Variants in PCDHB13 observed in about 807,000 individuals in gnomAD.
PCDHB13 encodes protocadherin beta 13, also known as protocadherin beta-13.
For missense variants in PCDHB13, 1,065 were observed against 1,016.7 expected, an observed-to-expected ratio of 1.05 and a Z score of -0.65; for synonymous variants, 515 against 450.7, an observed-to-expected ratio of 1.14 and a Z score of -1.81.
At position 141,214,480 on chromosome 5, in the gene PCDHB13, A is replaced by T. The variant is rs1385593698; in HGVS notation, c.357A>T (p.Gln119His). The part of the protein sequence containing the change: ...VLLESPFEFF[Q>H]AELQVIDIND... ...TAGAGAGTCCCTTCGAGTTTTTTCA[A>T]GCTGAGCTGCAAGTAATAGACATAA... is the stretch of plus-strand genomic sequence containing the variant. The change falls in exon 1 of 1, where the codon CAA (glutamine) becomes CAT (histidine). Residue 119 changes from glutamine (Q) to histidine (H), a missense_variant. By Grantham distance (24) the Gln-to-His change is conservative. Coordinates refer to ENST00000341948, the MANE Select transcript of PCDHB13 (RefSeq NM_018933.4). The T allele has an allele frequency of 3.1e-6, 5 of 1,595,290 alleles. No homozygotes were observed. The highest frequency in any genetic ancestry group is 4.3e-6 in the Non-Finnish European group (5 of 1,164,808).
rs139420322 is a variant in PCDHB13, at chr5:141,215,079, A to C, written c.956A>C (p.Asn319Thr). The C allele has an allele frequency of 1.9e-6, 3 of 1,614,218 alleles. No individual in the cohort carries two copies. The highest frequency in any genetic ancestry group is 1.7e-6 in the Non-Finnish European group (2 of 1,180,034). Residue 319 changes from asparagine (N) to threonine (T), a missense_variant, in exon 1 of 1, where the codon AAT (asparagine) becomes ACT (threonine). Transcript: ENST00000341948. ...GAAAAACTTCAGTCCTATGAAGTCA[A>C]TATTGAGGCAAGAGATGCTGGAACC... ...DFEKLQSYEVNIEARDAGTFS... is the reference protein window; with the variant it reads ...DFEKLQSYEVTIEARDAGTFS...
rs1379021042 is a variant in PCDHB13, at chr5:141,217,609, A to T, written c.*1089A>T. On this transcript the variant is annotated 3_prime_UTR_variant, in exon 1 of 1. Transcript: ENST00000341948. The stretch of plus-strand genomic sequence containing the variant: ...TTGAACATTGATAGTATCAAAAGAT[A>T]GTCCCTTAGGGTTCTAATTTTAAAA... The T allele has an allele frequency of 6.0e-6, 1 of 167,026 alleles. No individual in the cohort carries two copies. 10.3% of individuals were successfully genotyped at this position (167,026 alleles called of 1,614,324 possible).
rs1203457428 is a variant in PCDHB13, at chr5:141,215,808, T to C, written c.1685T>C (p.Leu562Pro). 2.9e-5 allele frequency: 47 copies of C among 1,611,188 alleles called. No homozygotes were observed. Among genetic ancestry groups the C allele is most frequent in the Non-Finnish European group, 3.7e-5 (44 of 1,179,620 alleles). ...GCCAACGACAACTCGCCCTTCGTGCTGTACCCGCTGCAGAACGGCTCCGCG... is the reference window on the plus strand; with the variant it reads ...GCCAACGACAACTCGCCCTTCGTGCCGTACCCGCTGCAGAACGGCTCCGCG... Reference protein sequence around the residue: ...LDANDNSPFVLYPLQNGSAPC... With the variant: ...LDANDNSPFVPYPLQNGSAPC... The change falls in exon 1 of 1, where the codon CTG (leucine) becomes CCG (proline). Residue 562 changes from leucine to proline, a missense_variant. Coordinates refer to ENST00000341948, the MANE Select transcript of PCDHB13 (RefSeq NM_018933.4).
In PCDHB13 at chr5:141,214,785, C is replaced by A. The variant is rs782053306; in HGVS notation, c.662C>A (p.Pro221Gln). Reference protein sequence around the residue: ...LTLTALDGGSPPRSGTAQVYI... With the variant: ...LTLTALDGGSQPRSGTAQVYI... ...CTCACAGCACTGGATGGTGGCTCTC[C>A]GCCCAGATCTGGCACTGCTCAGGTC... The change falls in exon 1 of 1, where the codon CCG becomes CAG. Residue 221 changes from proline (P) to glutamine (Q), a missense_variant. By Grantham distance (76) the Pro-to-Gln change is moderately conservative (BLOSUM62 -1). Coordinates refer to ENST00000341948, the MANE Select transcript of PCDHB13 (RefSeq NM_018933.4). The A allele has an allele frequency of 2.5e-6, 4 of 1,614,054 alleles. No homozygotes were observed. Among genetic ancestry groups the A allele is most frequent in the Non-Finnish European group, 3.4e-6 (4 of 1,180,024 alleles).
In PCDHB13 at chr5:141,215,705, C is replaced by G. The variant is rs1251998460; in HGVS notation, c.1582C>G (p.Gln528Glu). The G allele has an allele frequency of 1.9e-6, 3 of 1,612,686 alleles. No homozygotes were observed. Among genetic ancestry groups the G allele is most frequent in the African/African-American group, 1.3e-5 (1 of 74,916 alleles). ...SLDYEALQGF[Q>E]FRVGASDHGS... ...GGACTACGAGGCCCTGCAGGGGTTC[C>G]AGTTCCGCGTGGGCGCTTCAGACCA... The change falls in exon 1 of 1, where the codon CAG becomes GAG. Residue 528 changes from glutamine to glutamate, a missense_variant. Physicochemically the swap from Gln to Glu is conservative, Grantham distance 29 (BLOSUM62 2). Coordinates refer to ENST00000341948, the MANE Select transcript of PCDHB13 (RefSeq NM_018933.4).
At position 141,215,002 on chromosome 5, in the gene PCDHB13, T is replaced by TA. The variant is rs782663001; in HGVS notation, c.881dup (p.Ile295AspfsTer9). On this transcript the variant is annotated frameshift_variant, in exon 1 of 1. Transcript: ENST00000341948. LOFTEE classifies it low-confidence loss of function (END_TRUNC). ...CTTCAGAAGAGATTGGCAAAACCTTTAAGATCAATCCCTTGACAGGAGAAA... is the reference window on the plus strand; with the variant it reads ...CTTCAGAAGAGATTGGCAAAACCTTTAAAGATCAATCCCTTGACAGGAGAAA... 1.9e-5 allele frequency: 31 copies of TA among 1,614,172 alleles called. No homozygotes were observed. In the South Asian group the frequency reaches 3.4e-4, roughly 18 times the overall value.
In PCDHB13 at chr5:141,214,972, C is replaced by T; in HGVS notation, c.849C>T (p.Phe283=). The change falls in exon 1 of 1, where the codon TTC becomes TTT. Residue 283 remains phenylalanine (F), a synonymous_variant. Transcript: ENST00000341948. ...GVNGEISYSL[F]QASEEIGKTF... is the part of the protein sequence containing the mutation. ...ACGGAGAGATTTCCTATTCACTTTT[C>T]CAAGCTTCAGAAGAGATTGGCAAAA... 2 of 1,614,156 alleles carry T rather than the reference C, an allele frequency of 1.2e-6. No individual in the cohort carries two copies. Among genetic ancestry groups the T allele is most frequent in the Non-Finnish European group, 1.7e-6 (2 of 1,180,016 alleles).
rs781975078 is a variant in PCDHB13, at chr5:141,216,144, C to A, written c.2021C>A (p.Pro674Gln). 6.2e-7 allele frequency: 1 copy of A among 1,611,266 alleles called. No homozygotes were observed. Among genetic ancestry groups the A allele is most frequent in the African/African-American group, 1.3e-5 (1 of 75,040 alleles). Residue 674 changes from proline (P) to glutamine (Q), a missense_variant, in exon 1 of 1, where the codon CCG becomes CAG. Transcript: ENST00000341948. ...TTCTCCCAGCCCTACCTGCCTCTCC[C>A]GGAGGCGGCCCCGACCCAGGCCCAG... ...DGFSQPYLPL[P>Q]EAAPTQAQAD... is the part of the protein sequence containing the mutation.
In PCDHB13 at chr5:141,216,333, T is replaced by A. The variant is rs114032728; in HGVS notation, c.2210T>A (p.Val737Glu). The part of the protein sequence containing the change: ...VPEGPLPGHL[V>E]DMSGTRTLSQ... ...GAGGGCCCCCTTCCAGGGCATCTTG[T>A]GGACATGAGCGGCACCAGGACCCTA... Residue 737 changes from valine (V) to glutamate (E), a missense_variant, in exon 1 of 1, where the codon GTG (valine) becomes GAG (glutamate). Val to Glu is a moderately radical substitution (Grantham distance 121). Transcript: ENST00000341948. 3.7e-3 allele frequency: 5,990 copies of A among 1,614,088 alleles called. 209 individuals carry two copies. In the African/African-American group the frequency reaches 0.072, roughly 19 times the overall value.
chr5:141,215,660 C>T lies in PCDHB13; in HGVS notation c.1537C>T (p.Leu513=), dbSNP rs781807196. The change falls in exon 1 of 1, where the codon CTG becomes TTG. Residue 513 remains leucine, a synonymous_variant. Coordinates refer to ENST00000341948, the MANE Select transcript of PCDHB13 (RefSeq NM_018933.4). ...LVSINADNGH[L]FALRSLDYEA... Reference sequence around the variant, plus strand: ...CTCCATCAACGCGGACAACGGCCACCTGTTCGCCCTCAGGTCTCTGGACTA... The same window carrying T: ...CTCCATCAACGCGGACAACGGCCACTTGTTCGCCCTCAGGTCTCTGGACTA... 12 of 1,613,284 alleles carry T rather than the reference C, an allele frequency of 7.4e-6. No individual in the cohort carries two copies. Among genetic ancestry groups the T allele is most frequent in the Non-Finnish European group, 1.0e-5 (12 of 1,180,020 alleles).
chr5:141,217,569 A>T lies in PCDHB13; in HGVS notation c.*1049A>T, dbSNP rs1459434124. ...GAAAACCACTTTTCTCAGACATATAAAAGCATACCAGATGTTGAACATTGA... is the reference window on the plus strand; with the variant it reads ...GAAAACCACTTTTCTCAGACATATATAAGCATACCAGATGTTGAACATTGA... On this transcript the variant is annotated 3_prime_UTR_variant, in exon 1 of 1. Transcript: ENST00000341948. 2 of 167,032 alleles carry T rather than the reference A, an allele frequency of 1.2e-5. No individual in the cohort carries two copies. The highest frequency in any genetic ancestry group is 2.9e-5 in the Non-Finnish European group (2 of 68,126). The allele number at this position is 167,032 out of a possible 1,614,324, so 10.3% of individuals were successfully genotyped here.
rs1194072883 is a variant in PCDHB13 at position 141,216,317 on chromosome 5, C to T, written c.2194C>T (p.Leu732Phe). Residue 732 changes from leucine (L) to phenylalanine (F), a missense_variant, in exon 1 of 1, where the codon CTT (leucine) becomes TTT (phenylalanine). Transcript: ENST00000341948. ...TCGCTGCTTGGTGCCCGAGGGCCCC[C>T]TTCCAGGGCATCTTGTGGACATGAG... The part of the protein sequence containing the change: ...VGRCLVPEGP[L>F]PGHLVDMSGT... 3 of 1,614,036 alleles carry T rather than the reference C, an allele frequency of 1.9e-6. No individual in the cohort carries two copies. The highest frequency in any genetic ancestry group is 1.3e-5 in the African/African-American group (1 of 74,924).
rs782225131 is a variant in PCDHB13 at position 141,215,303 on chromosome 5, C to T, written c.1180C>T (p.Leu394=). The change falls in exon 1 of 1, where the codon CTG becomes TTG. Residue 394 remains leucine, a synonymous_variant. Transcript: ENST00000341948. The part of the protein sequence containing the change: ...CSIQEDLPFL[L]KSAENFYTLL... ...CATTCAGGAGGATCTACCCTTCCTC[C>T]TGAAATCCGCGGAAAACTTTTACAC... 1.4e-5 allele frequency: 22 copies of T among 1,613,986 alleles called. No individual in the cohort carries two copies. The highest frequency in any genetic ancestry group is 1.9e-5 in the Non-Finnish European group (22 of 1,180,034).
At position 141,216,826 on chromosome 5, in the gene PCDHB13, G is replaced by C; in HGVS notation, c.*306G>C. On this transcript the variant is annotated 3_prime_UTR_variant, in exon 1 of 1. Transcript: ENST00000341948. The stretch of plus-strand genomic sequence containing the variant: ...AACTTCACCCACTATTATGCTTATG[G>C]TAAAATTAAATAGAGCAATTTGGAA... The C allele has an allele frequency of 2.6e-6, 1 of 390,408 alleles. No individual in the cohort carries two copies. The highest frequency in any genetic ancestry group is 2.6e-5 in the South Asian group (1 of 39,182). The allele number at this position is 390,408 out of a possible 1,614,324, so 24.2% of individuals were successfully genotyped here.
rs567516404 is a variant in PCDHB13 at position 141,216,324 on chromosome 5, G to A, written c.2201G>A (p.Gly734Glu). Residue 734 changes from glycine to glutamate, a missense_variant, in exon 1 of 1, where the codon GGG (glycine) becomes GAG (glutamate). Coordinates refer to ENST00000341948, the MANE Select transcript of PCDHB13 (RefSeq NM_018933.4). ...TTGGTGCCCGAGGGCCCCCTTCCAG[G>A]GCATCTTGTGGACATGAGCGGCACC... Reference protein sequence around the residue: ...RCLVPEGPLPGHLVDMSGTRT... With the variant: ...RCLVPEGPLPEHLVDMSGTRT... 6.2e-7 allele frequency: 1 copy of A among 1,614,184 alleles called. No individual in the cohort carries two copies. Among genetic ancestry groups the A allele is most frequent in the Non-Finnish European group, 8.5e-7 (1 of 1,180,028 alleles).
chr5:141,215,203 C>A lies in PCDHB13; in HGVS notation c.1080C>A (p.Asn360Lys). The A allele has an allele frequency of 1.9e-6, 3 of 1,613,848 alleles. No homozygotes were observed. The highest frequency in any genetic ancestry group is 2.5e-6 in the Non-Finnish European group (3 of 1,179,946). The change falls in exon 1 of 1, where the codon AAC becomes AAA. Residue 360 changes from asparagine (N) to lysine (K), a missense_variant. By Grantham distance (94) the Asn-to-Lys change is moderately conservative. Transcript: ENST00000341948. Reference protein sequence around the residue: ...MSAFTSPIPENAPETVVALFS... With the variant: ...MSAFTSPIPEKAPETVVALFS... The stretch of plus-strand genomic sequence containing the variant: ...CATTTACCAGCCCAATACCTGAGAA[C>A]GCGCCTGAAACTGTGGTTGCACTTT...
At position 141,218,306 on chromosome 5, in the gene PCDHB13, T is replaced by C. The variant is rs889237353; in HGVS notation, c.*1786T>C. 3 of 167,020 alleles carry C rather than the reference T, an allele frequency of 1.8e-5. No individual in the cohort carries two copies. Among genetic ancestry groups the C allele is most frequent in the African/African-American group, 7.2e-5 (3 of 41,396 alleles). 10.3% of individuals were successfully genotyped at this position (167,020 alleles called of 1,614,324 possible). A position where few individuals can be genotyped will look rare whatever the true frequency, so the allele number is the denominator to read the frequency against. On this transcript the variant is annotated 3_prime_UTR_variant, in exon 1 of 1. Coordinates refer to ENST00000341948, the MANE Select transcript of PCDHB13 (RefSeq NM_018933.4). ...ACATTGTAGAGGGACTGGGTATTAGTCAGTTGATAATGCCAAGAAGTGCAA... is the reference window on the plus strand; with the variant it reads ...ACATTGTAGAGGGACTGGGTATTAGCCAGTTGATAATGCCAAGAAGTGCAA...
At position 141,217,396 on chromosome 5, in the gene PCDHB13, A is replaced by G. The variant is rs1399968556; in HGVS notation, c.*876A>G. On this transcript the variant is annotated 3_prime_UTR_variant, in exon 1 of 1. Coordinates refer to ENST00000341948, the MANE Select transcript of PCDHB13 (RefSeq NM_018933.4). The stretch of plus-strand genomic sequence containing the variant: ...ACATATTTTGAAACACACAAGCTTA[A>G]TAGAAATAAATGCTTGTGAACAATG... 1 of 167,100 alleles carries G rather than the reference A, an allele frequency of 6.0e-6. No homozygotes were observed. Among genetic ancestry groups the G allele is most frequent in the Non-Finnish European group, 1.5e-5 (1 of 68,130 alleles). 10.4% of individuals were successfully genotyped at this position (167,100 alleles called of 1,614,324 possible).
In PCDHB13 at chr5:141,218,226, G is replaced by C. The variant is rs1754657647; in HGVS notation, c.*1706G>C. 6.0e-6 allele frequency: 1 copy of C among 166,200 alleles called. No individual in the cohort carries two copies. Among genetic ancestry groups the C allele is most frequent in the South Asian group, 2.1e-4 (1 of 4,826 alleles). 10.3% of individuals were successfully genotyped at this position (166,200 alleles called of 1,614,324 possible). ...AGCCTCCCAAAGTGCTATGATTACAGGTATGAGCACCTGGCCTCAACTACT... is the reference window on the plus strand; with the variant it reads ...AGCCTCCCAAAGTGCTATGATTACACGTATGAGCACCTGGCCTCAACTACT... On this transcript the variant is annotated 3_prime_UTR_variant, in exon 1 of 1. Transcript: ENST00000341948.
Sources: gnomAD v4.1 joint callset for allele counts on GRCh38, gnomAD v4.1.1 for gene constraint, MANE v1.5 for transcripts, NCBI Gene and HGNC (gene_info 2026-07-23, HGNC 2026-07-21) for gene names.